Variants in SLC2A13 observed in about 807,000 individuals in gnomAD.
SLC2A13 encodes solute carrier family 2 member 13.
Under a neutral mutation model 64.4 loss-of-function variants are expected in SLC2A13, and 32 were observed. The observed-to-expected ratio is 0.50, with a 90% CI of 0.37 to 0.67. The LOEUF (loss-of-function observed/expected upper bound fraction) is 0.67. SLC2A13 is among the 30% of genes least tolerant of loss of function. SLC2A13 has a pLI of 0.00. For missense variants in SLC2A13, 743 were observed against 829.2 expected (o/e 0.90, Z 1.28); for synonymous variants, 338 against 327.1 (o/e 1.03, Z -0.36).
At chr12:40,078,054 G>C (rs1045049799) in intron 1 of SLC2A13, among the ~76,000 whole-genome samples, 1 of 152,168 alleles carries the variant, frequency 6.6e-6, no homozygotes, top group East Asian at 1.9e-4. Context: ...CCTCTGGAGA[G>C]AGAGTATGGG....
intron 1 of SLC2A13, among the ~76,000 whole-genome samples, chr12:40,103,076 A>G (rs1191609228): frequency 6.6e-6 from 1 of 152,176 alleles, no homozygotes; most frequent in Non-Finnish European, 1.5e-5. Flanking sequence ...AATGGAGAAC[A>G]TATCTAAACT....
At chr12:39,965,110 G>A (rs949034723) in intron 3 of SLC2A13, among the ~76,000 whole-genome samples, 1 of 152,130 alleles carries the variant, frequency 6.6e-6, no homozygotes, top group African/African-American at 2.4e-5. Context: ...CAGAAAAGAT[G>A]TCAGCTAACT....
intron 1 of SLC2A13, among the ~76,000 whole-genome samples, chr12:40,085,330 G>C (rs187148040): frequency 1.3e-5 from 2 of 152,324 alleles, no homozygotes; most frequent in Admixed American, 6.5e-5. Context: ...ACTCCAACTT[G>C]AAGTAGTTGG....
chr12:39,994,931 C>G (rs1353049834), intron 3 of SLC2A13, among the ~76,000 whole-genome samples: 1 of 152,212 alleles, frequency 6.6e-6, no homozygotes, highest in Non-Finnish European at 1.5e-5. Context: ...GGCATATCAA[C>G]AGGACTCAAT....
In SLC2A13 at chr12:39,988,517, C is replaced by T. The variant is rs200466722; in HGVS notation, c.926-37152G>A. On this transcript the variant is annotated intron_variant, in intron 3 of 9. Transcript: ENST00000280871. ...AGGAGAAAAAGAAAGAAAGAATGAA[C>T]GAAAGAAAGAAAGAAGAAAGAAAAA... 1.0e-3 allele frequency among the ~76,000 whole-genome samples: 107 copies of T among 103,428 alleles called. No individual in the cohort carries two copies. In the East Asian group the frequency reaches 0.018, roughly 17 times the overall value. The allele number at this position is 103,428 out of a possible 152,430, so 67.9% of individuals were successfully genotyped here. A position where few individuals can be genotyped will look rare whatever the true frequency, so the allele number is the denominator to read the frequency against.
chr12:39,859,569 C>A (rs1943704077), intron 6 of SLC2A13, among the ~76,000 whole-genome samples: 1 of 152,140 alleles, frequency 6.6e-6, no homozygotes, highest in Admixed American at 6.5e-5. Context: ...GTCACCCAGG[C>A]TGGAGTGCAG....
chr12:40,096,166 T>C (rs1938936056), intron 1 of SLC2A13, among the ~76,000 whole-genome samples: 1 of 151,542 alleles, frequency 6.6e-6, no homozygotes, highest in Non-Finnish European at 1.5e-5. Context: ...CCTGACCTCA[T>C]AATCCACCCG....
At chr12:39,905,586 T>G (rs1286790985) in intron 4 of SLC2A13, among the ~76,000 whole-genome samples, 1 of 152,150 alleles carries the variant, frequency 6.6e-6, no homozygotes. Flanking sequence ...AGTAAATGTG[T>G]ATGAGTGAAT....
At chr12:40,103,842 G>T (rs2136311550) in intron 1 of SLC2A13, among the ~76,000 whole-genome samples, 1 of 152,314 alleles carries the variant, frequency 6.6e-6, no homozygotes, top group South Asian at 2.1e-4. Flanking sequence ...ACACAAATAG[G>T]TTTCATTTCA....
chr12:39,962,449 TATAG>T (rs1188673850), intron 3 of SLC2A13, among the ~76,000 whole-genome samples: 3 of 152,152 alleles, frequency 2.0e-5, no homozygotes, highest in African/African-American at 7.2e-5. Flanking sequence ...CCAGATCCCA[TATAG>T]AGACAAAAAA....
At chr12:39,939,395 A>G (rs1481946989) in intron 4 of SLC2A13, among the ~76,000 whole-genome samples, 1 of 152,186 alleles carries the variant, frequency 6.6e-6, no homozygotes, top group African/African-American at 2.4e-5. Flanking sequence ...GTTTGCTAGG[A>G]TAGTGAGTTA....
intron 3 of SLC2A13, among the ~76,000 whole-genome samples, chr12:40,014,740 A>G (rs1371636082): frequency 1.3e-5 from 2 of 152,070 alleles, no homozygotes; most frequent in East Asian, 3.9e-4. Flanking sequence ...TGATCCATCC[A>G]CCTCAGCCTG....
chr12:39,902,328 A>G (rs1945147417), intron 4 of SLC2A13, among the ~76,000 whole-genome samples: 3 of 151,900 alleles, frequency 2.0e-5, no homozygotes, highest in Admixed American at 1.3e-4. Context: ...TACCCTAAAA[A>G]TTAAAGTATA....
At chr12:39,922,754 C>A (rs1382945958) in intron 4 of SLC2A13, among the ~76,000 whole-genome samples, 3 of 152,076 alleles carry the variant, frequency 2.0e-5, no homozygotes, top group Non-Finnish European at 2.9e-5. Context: ...CTAGTATTTT[C>A]ACTAAATACT....
intron 7 of SLC2A13, among the ~76,000 whole-genome samples, chr12:39,827,415 G>A (rs559908620): frequency 4.1e-4 from 62 of 152,244 alleles, no homozygotes; most frequent in Non-Finnish European, 8.2e-4. Flanking sequence ...ATAGTGCTTT[G>A]TAACTACAGA....
chr12:39,860,731 T>C (rs1207887372), intron 6 of SLC2A13, among the ~76,000 whole-genome samples: 2 of 152,200 alleles, frequency 1.3e-5, no homozygotes, highest in East Asian at 1.9e-4. Context: ...AAATTTCCTA[T>C]TGATTTTTCT....
rs561392689 is a variant in SLC2A13 at position 39,787,473 on chromosome 12, G to C, written c.1446-22615C>G. Reference sequence around the variant, plus strand: ...TAAAGCAGAGAGAAATCCTTTATCGGGATTTCTAGGAGATTATTTTTTTCC... The same window carrying C: ...TAAAGCAGAGAGAAATCCTTTATCGCGATTTCTAGGAGATTATTTTTTTCC... On this transcript the variant is annotated intron_variant, in intron 7 of 9. Transcript: ENST00000280871. 1.4e-4 allele frequency among the ~76,000 whole-genome samples: 21 copies of C among 152,106 alleles called. 1 individual carries two copies. In the South Asian group the frequency reaches 4.4e-3, roughly 32 times the overall value.
chr12:40,044,485 A>G (rs1948142584), intron 2 of SLC2A13, among the ~76,000 whole-genome samples: 1 of 152,200 alleles, frequency 6.6e-6, no homozygotes, highest in South Asian at 2.1e-4. Flanking sequence ...TTACATCTCA[A>G]TAAAGTTGTT....
rs1939978805 is a variant in SLC2A13 at position 39,756,762 on chromosome 12, C to G, written c.*3264G>C. ...TGTATAACAGATACTGAAATTACAG[C>G]AAAAATTTCATAAATTCCTTGCTTT... On this transcript the variant is annotated 3_prime_UTR_variant, in exon 10 of 10. Transcript: ENST00000280871. 1 of 151,604 alleles carries G rather than the reference C, an allele frequency of 6.6e-6. No homozygotes were observed. Among genetic ancestry groups the G allele is most frequent in the Admixed American group, 6.6e-5 (1 of 15,166 alleles). The allele number at this position is 151,604 out of a possible 1,614,324, so 9.4% of individuals were successfully genotyped here.
Sources: allele counts gnomAD v4.1 joint callset (sites outside exome capture counted in the v4.1 genomes callset), GRCh38; gene constraint gnomAD v4.1.1; transcripts MANE v1.5; gene names NCBI Gene and HGNC (gene_info 2026-07-23, HGNC 2026-07-21).